PLA2G4A: variants seen among roughly 807,000 people sequenced by gnomAD.
PLA2G4A encodes phospholipase A2 group IVA.
A neutral mutation model predicts 81.9 loss-of-function variants in PLA2G4A; 40 were observed. The ratio of observed to expected loss-of-function variants is 0.49; its 90% CI spans 0.38 to 0.64. The LOEUF is 0.64. PLA2G4A is among the 30% of genes least tolerant of loss of function. The pLI, the probability that PLA2G4A is intolerant of heterozygous loss-of-function variation, is 0.00. For synonymous variants in PLA2G4A, 302 were observed against 296.9 expected, an observed-to-expected ratio of 1.02 and a Z score of -0.18; for missense variants, 715 against 905.1, an observed-to-expected ratio of 0.79 and a Z score of 2.69.
At chr1:186,963,471 C>T (rs1657028181) in intron 14 of PLA2G4A, among the ~76,000 whole-genome samples, 1 of 152,190 alleles carries the variant, frequency 6.6e-6, no homozygotes, top group South Asian at 2.1e-4. Flanking sequence ...TTTCTCGTCT[C>T]TCTCCTTATT....
intron 14 of PLA2G4A, among the ~76,000 whole-genome samples, chr1:186,964,575 C>T (rs1657069179): frequency 6.6e-6 from 1 of 152,042 alleles, no homozygotes; most frequent in Admixed American, 6.6e-5. Context: ...GTGGCCTGTT[C>T]CGTATCATTA....
chr1:186,933,081 A>C (rs1225105272), intron 8 of PLA2G4A, among the ~76,000 whole-genome samples, 182 bp downstream of exon 8: 1 of 152,170 alleles, frequency 6.6e-6, no homozygotes, highest in African/African-American at 2.4e-5. Context: ...ATACTTAATA[A>C]TAACTTTTTG....
At chr1:186,967,038 T>C (rs538568878) in intron 15 of PLA2G4A, among the ~76,000 whole-genome samples, 20 of 152,274 alleles carry the variant, frequency 1.3e-4, no homozygotes, top group Non-Finnish European at 2.5e-4. Flanking sequence ...GAATAAGAAG[T>C]GGCAATTCAT....
chr1:186,841,445 G>A (rs897926910), intron 1 of PLA2G4A, among the ~76,000 whole-genome samples: 5 of 152,086 alleles, frequency 3.3e-5, no homozygotes, highest in Non-Finnish European at 5.9e-5. Context: ...GCAGGGTGGG[G>A]CAGGGAGGAT....
At chr1:186,952,347 G>A (rs1656588976) in intron 13 of PLA2G4A, among the ~76,000 whole-genome samples, 1 of 152,142 alleles carries the variant, frequency 6.6e-6, no homozygotes, top group Non-Finnish European at 1.5e-5. Flanking sequence ...ATGATATGTA[G>A]TATGTGGTTA....
chr1:186,978,988 T>A (rs10798077), intron 16 of PLA2G4A, among the ~76,000 whole-genome samples: 149,799 of 152,324 alleles, frequency 0.98, 73,671 homozygotes, highest in East Asian at 1. Flanking sequence ...GTATTTAGAT[T>A]CTAACTCCCT....
intron 7 of PLA2G4A, among the ~76,000 whole-genome samples, chr1:186,912,280 T>A (rs1257097386): frequency 6.6e-6 from 1 of 152,192 alleles, no homozygotes; most frequent in African/African-American, 2.4e-5. Flanking sequence ...GTGGTACATT[T>A]GTTACAATCA....
chr1:186,956,736 A>G (rs1158294612), intron 14 of PLA2G4A, among the ~76,000 whole-genome samples: 2 of 151,426 alleles, frequency 1.3e-5, no homozygotes, highest in Admixed American at 6.6e-5. Context: ...CTGGTCTCAG[A>G]CTCCTGGGCT....
rs772426931 is a variant in PLA2G4A, at chr1:186,932,779, T to C, written c.575T>C (p.Ile192Thr). The C allele has an allele frequency of 1.2e-6, 2 of 1,613,788 alleles. No individual in the cohort carries two copies. Among genetic ancestry groups the C allele is most frequent in the Non-Finnish European group, 1.7e-6 (2 of 1,179,686 alleles). ...TCGTTTCAGGTGCCTGTGGTAGCCA[T>C]ATTGGGTTCAGGTGGGGGTTTCCGA... is the stretch of plus-strand genomic sequence containing the variant. ...HSARDVPVVA[I>T]LGSGGGFRAM... is the part of the protein sequence containing the mutation. Residue 192 changes from isoleucine (I) to threonine (T), a missense_variant, in exon 8 of 18, where the codon ATA (isoleucine) becomes ACA (threonine). Physicochemically the swap from Ile to Thr is moderately conservative, Grantham distance 89. Transcript: ENST00000367466.
At chr1:186,890,424 G>A (rs757972401) in intron 3 of PLA2G4A, among the ~76,000 whole-genome samples, 18 of 152,150 alleles carry the variant, frequency 1.2e-4, no homozygotes, top group Non-Finnish European at 2.2e-4. Context: ...TGCACAGTTT[G>A]GGTCACTCGC....
At chr1:186,931,526 T>C (rs1337224804) in intron 7 of PLA2G4A, among the ~76,000 whole-genome samples, 2 of 73,158 alleles carry the variant, frequency 2.7e-5, no homozygotes, top group East Asian at 6.6e-4. Flanking sequence ...GCTATTATTA[T>C]TATTATTATT....
intron 1 of PLA2G4A, among the ~76,000 whole-genome samples, chr1:186,851,712 A>G (rs184394609): frequency 3.4e-4 from 52 of 152,184 alleles, no homozygotes; most frequent in African/African-American, 1.1e-3. Context: ...AACTATAAAT[A>G]CCAGAGTAAA....
intron 7 of PLA2G4A, among the ~76,000 whole-genome samples, chr1:186,912,780 ATACT>A (rs1655004125): frequency 7.5e-6 from 1 of 133,998 alleles, no homozygotes; most frequent in South Asian, 2.3e-4. Context: ...ATATATATGT[ATACT>A]TATATATATA....
In PLA2G4A at chr1:186,947,072, T is replaced by G. The variant is rs142711472; in HGVS notation, c.1264+111T>G. 349 of 684,192 alleles carry G rather than the reference T, an allele frequency of 5.1e-4. No individual in the cohort carries two copies. The African/African-American group carries it at 5.8e-3, about 11-fold the overall frequency. 42.4% of individuals were successfully genotyped at this position (684,192 alleles called of 1,614,324 possible). A position where few individuals can be genotyped will look rare whatever the true frequency, so the allele number is the denominator to read the frequency against. ...TGTAAATATTTCAACTATTCTAAAT[T>G]TATTAATAATTTGGTTGAATCAATC... is the stretch of plus-strand genomic sequence containing the variant. On this transcript the variant is annotated intron_variant, in intron 12 of 17. Coordinates refer to ENST00000367466, the MANE Select transcript of PLA2G4A (RefSeq NM_024420.3).
At chr1:186,921,091 GTC>G (rs1655333645) in intron 7 of PLA2G4A, among the ~76,000 whole-genome samples, 1 of 152,150 alleles carries the variant, frequency 6.6e-6, no homozygotes, top group Admixed American at 6.5e-5. Context: ...TACATTTGTA[GTC>G]TTTTGAGCCC....
At chr1:186,874,012 T>C (rs974751000) in intron 3 of PLA2G4A, among the ~76,000 whole-genome samples, 4 of 152,124 alleles carry the variant, frequency 2.6e-5, no homozygotes, top group Non-Finnish European at 5.9e-5. Flanking sequence ...ATCATCGCTC[T>C]ATTTTTATCT....
chr1:186,902,807 C>G (rs1654592570), intron 5 of PLA2G4A, among the ~76,000 whole-genome samples: 1 of 151,464 alleles, frequency 6.6e-6, no homozygotes, highest in African/African-American at 2.4e-5. Flanking sequence ...CCTATCTCCC[C>G]TATCTCCCCT....
chr1:186,942,480 T>G (rs1259135124), intron 10 of PLA2G4A, among the ~76,000 whole-genome samples: 1 of 152,154 alleles, frequency 6.6e-6, no homozygotes, highest in Non-Finnish European at 1.5e-5. Context: ...CTCCTTATTT[T>G]AAAAAATATA....
chr1:186,877,705 CAAAAAAAAAA>C lies in PLA2G4A; in HGVS notation c.115+7208_115+7217del, dbSNP rs58954006. ...AAGACTAAGGCCTGAGGCTTACTCA[CAAAAAAAAAA>C]AAAAAAAAAAAAAAAAAAGAAGCTT... On this transcript the variant is annotated intron_variant, in intron 3 of 17. Transcript: ENST00000367466. 5.1e-4 allele frequency among the ~76,000 whole-genome samples: 44 copies of C among 86,922 alleles called. No homozygotes were observed. The South Asian group carries it at 0.016, about 31-fold the overall frequency. The allele number at this position is 86,922 out of a possible 152,430, so 57.0% of individuals were successfully genotyped here.
Sources: gnomAD v4.1 joint callset for allele counts (sites outside exome capture counted in the v4.1 genomes callset) on GRCh38, gnomAD v4.1.1 for gene constraint, MANE v1.5 for transcripts, NCBI Gene and HGNC (gene_info 2026-07-23, HGNC 2026-07-21) for gene names.